Variants in GOLM2 observed in about 807,000 individuals in gnomAD.
GOLM2 encodes the protein protein GOLM2.
A neutral mutation model predicts 55.9 loss-of-function variants in GOLM2; 26 were observed. The ratio of observed to expected loss-of-function variants is 0.47; its 90% CI spans 0.34 to 0.65. GOLM2 has a LOEUF of 0.65. Ranked by LOEUF, GOLM2 falls within the 30% of genes least tolerant of loss-of-function variation. The pLI, the probability that GOLM2 is intolerant of heterozygous loss-of-function variation, is 0.01. For missense variants in GOLM2, 486 were observed against 531.8 expected, an observed-to-expected ratio of 0.91 and a Z score of 0.85; for synonymous variants, 165 against 194.6, an observed-to-expected ratio of 0.85 and a Z score of 1.27.
intron 6 of GOLM2, among the ~76,000 whole-genome samples, chr15:44,363,149 T>C (rs538872683): frequency 2.2e-4 from 34 of 152,162 alleles, no homozygotes; most frequent in Non-Finnish European, 3.4e-4. Flanking sequence ...ACTTCATGTC[T>C]AAAACACCAA....
At chr15:44,364,039 G>A (rs1252676462) in intron 6 of GOLM2, among the ~76,000 whole-genome samples, 2 of 150,928 alleles carry the variant, frequency 1.3e-5, no homozygotes, top group Admixed American at 6.6e-5. Flanking sequence ...TCTGGGGACT[G>A]TTGTGGGGTG....
intron 6 of GOLM2, among the ~76,000 whole-genome samples, chr15:44,366,812 T>C (rs1051854248): frequency 6.6e-6 from 1 of 152,066 alleles, no homozygotes; most frequent in African/African-American, 2.4e-5. Context: ...CAGTTCACTA[T>C]AATCATGCTA....
chr15:44,325,580 AG>A (rs1308264904), intron 2 of GOLM2, among the ~76,000 whole-genome samples: 1 of 152,344 alleles, frequency 6.6e-6, no homozygotes, highest in Admixed American at 6.5e-5. Context: ...GAGGAGAATG[AG>A]TCCGAAAGAT....
chr15:44,290,062 C>T (rs567971645), intron 1 of GOLM2, among the ~76,000 whole-genome samples: 50 of 152,232 alleles, frequency 3.3e-4, no homozygotes, highest in African/African-American at 1.2e-3. Flanking sequence ...ATGTCAGTGT[C>T]TTCATTGAAA....
At chr15:44,325,323 T>C (rs770748599) in intron 2 of GOLM2, among the ~76,000 whole-genome samples, 2 of 152,260 alleles carry the variant, frequency 1.3e-5, no homozygotes, top group Admixed American at 1.3e-4. Context: ...CTAAAACTCA[T>C]ATTAATGTTT....
intron 6 of GOLM2, among the ~76,000 whole-genome samples, chr15:44,378,141 C>G (rs898974750): frequency 6.6e-6 from 1 of 151,282 alleles, no homozygotes; most frequent in African/African-American, 2.4e-5. Flanking sequence ...CTCTGCGTCC[C>G]GGGTTCACGC....
At chr15:44,404,094 T>TTAG (rs2079582983) in intron 9 of GOLM2, among the ~76,000 whole-genome samples, 1 of 152,182 alleles carries the variant, frequency 6.6e-6, no homozygotes, top group African/African-American at 2.4e-5. Flanking sequence ...CTTATATTGT[T>TTAG]TAGTAGTATT....
chr15:44,358,180 C>A (rs1304937032), intron 6 of GOLM2, among the ~76,000 whole-genome samples: 1 of 152,120 alleles, frequency 6.6e-6, no homozygotes, highest in Non-Finnish European at 1.5e-5. Context: ...ATGGCAAAAC[C>A]CTGTCTCTAC....
chr15:44,393,904 G>A (rs2079507800), intron 8 of GOLM2, among the ~76,000 whole-genome samples: 2 of 152,114 alleles, frequency 1.3e-5, no homozygotes, highest in Non-Finnish European at 2.9e-5. Flanking sequence ...TGTTGGCCAG[G>A]CTGGTCTCAA....
At chr15:44,392,615 C>T (rs942815229) in intron 8 of GOLM2, among the ~76,000 whole-genome samples, 8 of 145,432 alleles carry the variant, frequency 5.5e-5, no homozygotes, top group African/African-American at 1.3e-4. Context: ...AAGCGAGACT[C>T]GGTCTCAAAA....
chr15:44,360,673 G>T (rs1291904070), intron 6 of GOLM2, among the ~76,000 whole-genome samples: 1 of 152,032 alleles, frequency 6.6e-6, no homozygotes, highest in Non-Finnish European at 1.5e-5. Context: ...GGATACCCAG[G>T]AATTGAACTC....
rs1384896145 is a variant in GOLM2, at chr15:44,414,474, T to C, written c.*1068T>C. 1 of 152,258 alleles carries C rather than the reference T, an allele frequency of 6.6e-6. No individual in the cohort carries two copies. The highest frequency in any genetic ancestry group is 2.4e-5 in the African/African-American group (1 of 41,480). 9.4% of individuals were successfully genotyped at this position (152,258 alleles called of 1,614,324 possible). A position where few individuals can be genotyped will look rare whatever the true frequency, so the allele number is the denominator to read the frequency against. ...TTTTTCAAGTAATACCAGTACTGTTTAACTATAGCCAGAACTGGCTAAAAT... is the reference window on the plus strand; with the variant it reads ...TTTTTCAAGTAATACCAGTACTGTTCAACTATAGCCAGAACTGGCTAAAAT... On this transcript the variant is annotated 3_prime_UTR_variant, in exon 10 of 10. Coordinates refer to ENST00000299957, the MANE Select transcript of GOLM2 (RefSeq NM_138423.4).
chr15:44,304,752 G>C (rs2078825133), intron 1 of GOLM2, among the ~76,000 whole-genome samples: 1 of 151,924 alleles, frequency 6.6e-6, no homozygotes, highest in African/African-American at 2.4e-5. Flanking sequence ...CCAGGGTCTT[G>C]CTATGTTGCC....
At position 44,382,152 on chromosome 15, in the gene GOLM2, A is replaced by G. The variant is rs1343323980; in HGVS notation, c.1072+1176A>G. 3 of 152,252 alleles carry G rather than the reference A, an allele frequency of 2.0e-5. No homozygotes were observed. The East Asian group carries it at 5.8e-4, about 29-fold the overall frequency. 9.4% of individuals were successfully genotyped at this position (152,252 alleles called of 1,614,324 possible). On this transcript the variant is annotated intron_variant, in intron 8 of 9. Coordinates refer to ENST00000299957, the MANE Select transcript of GOLM2 (RefSeq NM_138423.4). ...TTGTGTGAAAAACATTTTTATTACA[A>G]AGATTTAGCTAACATTTTAAATATA...
chr15:44,377,816 T>C (rs888979656), intron 6 of GOLM2, among the ~76,000 whole-genome samples: 4 of 151,684 alleles, frequency 2.6e-5, no homozygotes, highest in Non-Finnish European at 4.4e-5. Context: ...AAAAAGATTA[T>C]AAGATAGTAT....
chr15:44,343,537 A>G (rs1376913265), intron 6 of GOLM2, among the ~76,000 whole-genome samples: 1 of 151,728 alleles, frequency 6.6e-6, no homozygotes, highest in African/African-American at 2.4e-5. Context: ...AGAAAAGAAC[A>G]TATCCTGGCT....
chr15:44,337,882 A>AAGC lies in GOLM2; in HGVS notation c.698_700dup (p.Ser233dup), dbSNP rs1239218830. 3.1e-6 allele frequency: 5 copies of AAGC among 1,599,470 alleles called. No homozygotes were observed. The highest frequency in any genetic ancestry group is 3.6e-5 in the Admixed American group (2 of 54,954). On this transcript the variant is annotated inframe_insertion, in exon 5 of 10. Transcript: ENST00000299957. The stretch of plus-strand genomic sequence containing the variant: ...TTGCAGATAAGAATGAAGAACCCTC[A>AAGC]AGCAATCATATTCCACATGGGAAAG...
At chr15:44,404,868 C>T (rs916641021) in intron 9 of GOLM2, among the ~76,000 whole-genome samples, 2 of 152,064 alleles carry the variant, frequency 1.3e-5, no homozygotes, top group Non-Finnish European at 2.9e-5. Flanking sequence ...AGGGTAATAA[C>T]TCTTTAACTT....
Position 44,402,917 on chromosome 15 carries a change from T to C in GOLM2, c.1103T>C (p.Val368Ala), listed in dbSNP as rs373281150. 156 of 1,613,948 alleles carry C rather than the reference T, an allele frequency of 9.7e-5. No individual in the cohort carries two copies. The highest frequency in any genetic ancestry group is 1.3e-4 in the Non-Finnish European group (148 of 1,180,018). Residue 368 changes from valine (V) to alanine (A), a missense_variant, in exon 9 of 10, where the codon GTT becomes GCT. Transcript: ENST00000299957. Reference protein sequence around the residue: ...SRFFDENESPVDPQHGSKLAD... With the variant: ...SRFFDENESPADPQHGSKLAD... Reference sequence around the variant, plus strand: ...TTCTTTGATGAAAATGAATCCCCTGTTGATCCGCAGCATGGCTCTAAACTG... The same window carrying C: ...TTCTTTGATGAAAATGAATCCCCTGCTGATCCGCAGCATGGCTCTAAACTG...
Sources: gnomAD v4.1 joint callset for allele counts (sites outside exome capture counted in the v4.1 genomes callset) on GRCh38, gnomAD v4.1.1 for gene constraint, MANE v1.5 for transcripts, NCBI Gene and HGNC (gene_info 2026-07-23, HGNC 2026-07-21) for gene names.